Variants in ST3GAL4 observed in about 807,000 individuals in gnomAD.
ST3GAL4 encodes CMP-N-acetylneuraminate-beta-galactosamide-alpha-2,3-sialyltransferase 4.
ST3GAL4 carries 24 observed loss-of-function variants against 42.6 expected under a neutral mutation model. The observed-to-expected ratio is 0.56, with a 90% CI of 0.41 to 0.79. ST3GAL4 has a LOEUF of 0.79. Ranked by LOEUF, ST3GAL4 falls within the 30% of genes least tolerant of loss-of-function variation. ST3GAL4 has a pLI of 0.00. For missense variants in ST3GAL4, 311 were observed against 430.8 expected (o/e 0.72, Z 2.46); for synonymous variants, 135 against 163.2 (o/e 0.83, Z 1.32).
chr11:126,391,955 GTGTGTGTGTGTGTGTGTA>G lies in ST3GAL4; in HGVS notation c.-60-14131_-60-14114del, dbSNP rs1455149726. Among the ~76,000 whole-genome samples the G allele has an allele frequency of 2.2e-5, 3 of 138,438 alleles. No individual in the cohort carries two copies. The highest frequency in any genetic ancestry group is 3.2e-5 in the Non-Finnish European group (2 of 62,956). 90.8% of individuals were successfully genotyped at this position (138,438 alleles called of 152,430 possible). A position where few individuals can be genotyped will look rare whatever the true frequency, so the allele number is the denominator to read the frequency against. ...CTTGGTCGTGTGTGTGTGTGTGTGT[GTGTGTGTGTGTGTGTGTA>G]TGTGTGTGTATGTGTATATATAAAA... On this transcript the variant is annotated intron_variant, in intron 1 of 10. Coordinates refer to ENST00000444328, the MANE Select transcript of ST3GAL4 (RefSeq NM_001254757.2). This position sits in a 1 kb window ranked among gnomAD's most constrained non-coding sequence, Gnocchi z 5.5.
At chr11:126,394,258 C>T (rs1408545746) in intron 1 of ST3GAL4, among the ~76,000 whole-genome samples, 1 of 152,128 alleles carries the variant, frequency 6.6e-6, no homozygotes, top group Non-Finnish European at 1.5e-5. Context: ...CGCCCGGGAG[C>T]CCCTGACCAG....
chr11:126,406,741 C>T lies in ST3GAL4; in HGVS notation c.101+184C>T. The T allele has an allele frequency of 3.2e-6, 3 of 941,136 alleles. No homozygotes were observed. Among genetic ancestry groups the T allele is most frequent in the African/African-American group, 1.7e-5 (1 of 60,512 alleles). 58.3% of individuals were successfully genotyped at this position (941,136 alleles called of 1,614,324 possible). ...TGGGTGGGGGTAGGGCCTGGGATGT[C>T]TCACTGGGCCCTCACCCAGGGAGTG... On this transcript the variant is annotated intron_variant, in intron 3 of 10. Coordinates refer to ENST00000444328, the MANE Select transcript of ST3GAL4 (RefSeq NM_001254757.2). This position sits in a 1 kb window ranked among gnomAD's most constrained non-coding sequence, Gnocchi z 5.4.
chr11:126,413,699 A>G (rs1321751349), intron 10 of ST3GAL4, 51 bp downstream of exon 10: 1 of 1,606,040 alleles, frequency 6.2e-7, no homozygotes, highest in Non-Finnish European at 8.5e-7. Context: ...ACGGGCAGAC[A>G]GTCAGAGGGG....
intron 1 of ST3GAL4, among the ~76,000 whole-genome samples, chr11:126,357,403 T>C (rs1276174784): frequency 6.6e-6 from 1 of 152,170 alleles, no homozygotes; most frequent in African/African-American, 2.4e-5. Flanking sequence ...AATTGCCAGC[T>C]TGGACTTTGG....
intron 1 of ST3GAL4, among the ~76,000 whole-genome samples, chr11:126,399,086 C>A (rs1477541747): frequency 2.0e-5 from 3 of 152,134 alleles, no homozygotes; most frequent in African/African-American, 7.2e-5. Flanking sequence ...TTGTACTAAT[C>A]TCCTTATCAA....
At chr11:126,358,532 A>T (rs959812028) in intron 1 of ST3GAL4, 2 of 451,176 alleles carry the variant, frequency 4.4e-6, no homozygotes, top group Non-Finnish European at 8.9e-6. Context: ...GATGTCCTTT[A>T]TTCTACAGAC....
rs1304747825 is a variant in ST3GAL4 at position 126,366,806 on chromosome 11, C to T, written c.-61+10964C>T. Among the ~76,000 whole-genome samples the T allele has an allele frequency of 1.3e-5, 2 of 152,134 alleles. No individual in the cohort carries two copies. The highest frequency in any genetic ancestry group is 2.9e-5 in the Non-Finnish European group (2 of 68,022). On this transcript the variant is annotated intron_variant, in intron 1 of 10. Transcript: ENST00000444328. This position sits in a 1 kb window ranked among gnomAD's most constrained non-coding sequence, Gnocchi z 4.2. ...GTGCAAGGTCTGCCGAGTGAGGGTTCCTTCCGGGAGGAGGCAGGGTGAGCG... is the reference window on the plus strand; with the variant it reads ...GTGCAAGGTCTGCCGAGTGAGGGTTTCTTCCGGGAGGAGGCAGGGTGAGCG...
chr11:126,360,229 G>T lies in ST3GAL4; in HGVS notation c.-61+4387G>T, dbSNP rs528156998. ...GGGGTATACCCTGGGTTCCCACTGG[G>T]TTCTGATCATTTGGAGGGAAGTCAT... On this transcript the variant is annotated intron_variant, in intron 1 of 10. Coordinates refer to ENST00000444328, the MANE Select transcript of ST3GAL4 (RefSeq NM_001254757.2). Among the ~76,000 whole-genome samples the T allele has an allele frequency of 2.0e-5, 3 of 152,352 alleles. No individual in the cohort carries two copies. The East Asian group carries it at 5.8e-4, about 29-fold the overall frequency.
intron 1 of ST3GAL4, among the ~76,000 whole-genome samples, chr11:126,369,202 C>T (rs1369642887): frequency 1.3e-5 from 2 of 152,156 alleles, no homozygotes; most frequent in Non-Finnish European, 2.9e-5. Flanking sequence ...GTTGTTTGCT[C>T]AAGCAACCTC....
At position 126,383,418 on chromosome 11, in the gene ST3GAL4, G is replaced by A. The variant is rs1272732552; in HGVS notation, c.-60-22678G>A. Among the ~76,000 whole-genome samples the A allele has an allele frequency of 2.0e-5, 3 of 152,152 alleles. No individual in the cohort carries two copies. Among genetic ancestry groups the A allele is most frequent in the African/African-American group, 7.2e-5 (3 of 41,456 alleles). On this transcript the variant is annotated intron_variant, in intron 1 of 10. Coordinates refer to ENST00000444328, the MANE Select transcript of ST3GAL4 (RefSeq NM_001254757.2). The surrounding 1 kb of genome is among the most constrained non-coding windows in gnomAD (Gnocchi z 4.5). The stretch of plus-strand genomic sequence containing the variant: ...GGTGGGAGGAACCCACTGGGCCTGA[G>A]GGAGGTAGAGCAGCAGCAGCAGCAG...
chr11:126,403,348 C>T (rs34395602), intron 1 of ST3GAL4: 237,211 of 977,476 alleles, frequency 0.24, 29,587 homozygotes, highest in African/African-American at 0.31. Context: ...TCACCTCTGA[C>T]GCTGCTCACC....
intron 1 of ST3GAL4, among the ~76,000 whole-genome samples, chr11:126,356,803 G>A (rs907425697): frequency 1.3e-5 from 2 of 152,184 alleles, no homozygotes; most frequent in Non-Finnish European, 2.9e-5. Flanking sequence ...AGGCTCAGGC[G>A]GACTCATTCT....
intron 1 of ST3GAL4, among the ~76,000 whole-genome samples, chr11:126,362,496 C>G (rs1407400038): frequency 6.6e-6 from 1 of 152,168 alleles, no homozygotes; most frequent in Non-Finnish European, 1.5e-5. Context: ...CTACCGTGCT[C>G]CGCCTGGCCA....
Position 126,409,434 on chromosome 11 carries a change from G to A in ST3GAL4, c.771+23G>A, listed in dbSNP as rs533803684. On this transcript the variant is annotated intron_variant, in intron 9 of 10. Transcript: ENST00000444328. The surrounding 1 kb of genome is among the most constrained non-coding windows in gnomAD (Gnocchi z 4.9). Reference sequence around the variant, plus strand: ...CAGGTGATGATGGGAAGTCAGGCCTGAGGGCTAGGATCCTGGGCGGGAAGT... The same window carrying A: ...CAGGTGATGATGGGAAGTCAGGCCTAAGGGCTAGGATCCTGGGCGGGAAGT... 6.8e-6 allele frequency: 11 copies of A among 1,614,180 alleles called. No individual in the cohort carries two copies. In the Admixed American group the frequency reaches 1.8e-4, roughly 27 times the overall value.
rs1318813796 is a variant in ST3GAL4 at position 126,414,103 on chromosome 11, A to G, written c.*56A>G. 5.7e-6 allele frequency: 9 copies of G among 1,578,390 alleles called. No homozygotes were observed. The highest frequency in any genetic ancestry group is 1.7e-4 in the Middle Eastern group (1 of 6,006). The stretch of plus-strand genomic sequence containing the variant: ...CTACTCTGCTGTCTGGGTGACCCCC[A>G]TGCGTGGCTGTGGGGGTGGCTGGTG... On this transcript the variant is annotated 3_prime_UTR_variant, in exon 11 of 11. Transcript: ENST00000444328.
At position 126,396,704 on chromosome 11, in the gene ST3GAL4, A is replaced by T. The variant is rs1022722009; in HGVS notation, c.-60-9392A>T. ...AGTCTAGGGAGCCAGTCTGCACGGG[A>T]TGGTTTTAGAAGCCGTAGGATGTGG... On this transcript the variant is annotated intron_variant, in intron 1 of 10. Transcript: ENST00000444328. This position sits in a 1 kb window ranked among gnomAD's most constrained non-coding sequence, Gnocchi z 5.8. 3.3e-5 allele frequency among the ~76,000 whole-genome samples: 5 copies of T among 150,632 alleles called. No individual in the cohort carries two copies. The highest frequency in any genetic ancestry group is 9.8e-5 in the African/African-American group (4 of 40,812).
intron 1 of ST3GAL4, among the ~76,000 whole-genome samples, chr11:126,369,439 G>T (rs1354092380): frequency 1.3e-5 from 2 of 152,114 alleles, no homozygotes; most frequent in African/African-American, 4.8e-5. Flanking sequence ...GTAAAGATAG[G>T]GTTTCCCCAT....
chr11:126,360,606 T>G (rs1472564514), intron 1 of ST3GAL4, among the ~76,000 whole-genome samples: 1 of 152,174 alleles, frequency 6.6e-6, no homozygotes, highest in East Asian at 1.9e-4. Context: ...GTACTTTTAG[T>G]AGAGACAGGG....
rs902594391 is a variant in ST3GAL4 at position 126,373,046 on chromosome 11, A to G, written c.-61+17204A>G. The stretch of plus-strand genomic sequence containing the variant: ...GAATACTGATATTATATATTCAAGT[A>G]TTTGTTGATTACATGCACTGTACCT... On this transcript the variant is annotated intron_variant, in intron 1 of 10. Coordinates refer to ENST00000444328, the MANE Select transcript of ST3GAL4 (RefSeq NM_001254757.2). The surrounding 1 kb of genome is among the most constrained non-coding windows in gnomAD (Gnocchi z 5.5). 6.6e-6 allele frequency among the ~76,000 whole-genome samples: 1 copy of G among 152,140 alleles called. No homozygotes were observed. Among genetic ancestry groups the G allele is most frequent in the East Asian group, 1.9e-4 (1 of 5,190 alleles).
Sources: allele counts gnomAD v4.1 joint callset (sites outside exome capture counted in the v4.1 genomes callset), GRCh38; gene constraint gnomAD v4.1.1; non-coding constraint Gnocchi (gnomAD v3.1); transcripts MANE v1.5; gene names NCBI Gene and HGNC (gene_info 2026-07-23, HGNC 2026-07-21).